ARNT2: variants seen among roughly 807,000 people sequenced by gnomAD.
ARNT2 encodes aryl hydrocarbon receptor nuclear translocator 2, also known as ARNT protein 2.
A neutral mutation model predicts 91.7 loss-of-function variants in ARNT2; 36 were observed. That is an observed-to-expected ratio of 0.39 (90% CI 0.30 to 0.52). ARNT2 has a LOEUF of 0.52. ARNT2 is among the 20% of genes least tolerant of loss of function. The pLI is 0.72. For synonymous variants in ARNT2, 365 were observed against 347.1 expected, an observed-to-expected ratio of 1.05 and a Z score of -0.57; for missense variants, 775 against 939.3, an observed-to-expected ratio of 0.83 and a Z score of 2.29.
At chr15:80,456,105 T>A (rs1016439564) in intron 2 of ARNT2, among the ~76,000 whole-genome samples, 1 of 152,144 alleles carries the variant, frequency 6.6e-6, no homozygotes, top group African/African-American at 2.4e-5. Flanking sequence ...GGCTTAGTAA[T>A]TATGCAGAAT....
intron 16 of ARNT2, 122 bp from the exon 17 acceptor site, chr15:80,581,117 G>C (rs1365998225): frequency 8.3e-7 from 1 of 1,205,734 alleles, no homozygotes; most frequent in East Asian, 2.4e-5. Flanking sequence ...AGACAAGAGG[G>C]TCATGGGGAG....
In ARNT2 at chr15:80,596,904, C is replaced by G. The variant is rs568824565; in HGVS notation, c.*3206C>G. ...TGGCCAAGGATGGCTCTAGAACACT[C>G]TGTCCATGCGTCACTCCCCCCAGTT... On this transcript the variant is annotated 3_prime_UTR_variant, in exon 19 of 19. Transcript: ENST00000303329. 9.7e-5 allele frequency: 34 copies of G among 349,490 alleles called. No homozygotes were observed. Among genetic ancestry groups the G allele is most frequent in the African/African-American group, 7.3e-4 (34 of 46,700 alleles). 21.6% of individuals were successfully genotyped at this position (349,490 alleles called of 1,614,324 possible).
In ARNT2 at chr15:80,596,558, C is replaced by A. The variant is rs1441227475; in HGVS notation, c.*2860C>A. 6.6e-6 allele frequency: 1 copy of A among 152,264 alleles called. No homozygotes were observed. Among genetic ancestry groups the A allele is most frequent in the East Asian group, 1.9e-4 (1 of 5,172 alleles). 9.4% of individuals were successfully genotyped at this position (152,264 alleles called of 1,614,324 possible). On this transcript the variant is annotated 3_prime_UTR_variant, in exon 19 of 19. Coordinates refer to ENST00000303329, the MANE Select transcript of ARNT2 (RefSeq NM_014862.4). ...GCCTCCCATGCCAGTACCGCCCAGC[C>A]TTGGAGGCCGGAATGCTCATGGCCC...
intron 12 of ARNT2, among the ~76,000 whole-genome samples, chr15:80,571,324 G>A (rs1322775873): frequency 1.3e-5 from 2 of 152,202 alleles, no homozygotes; most frequent in Admixed American, 6.5e-5. Flanking sequence ...TCACTTGTGT[G>A]CATTTGCTTC....
intron 12 of ARNT2, among the ~76,000 whole-genome samples, chr15:80,570,645 C>T (rs757225063): frequency 3.0e-4 from 46 of 152,090 alleles, no homozygotes; most frequent in Non-Finnish European, 5.3e-4. Context: ...TGGTTTTATC[C>T]TTTTCCTTTT....
chr15:80,540,063 A>G (rs959843307), intron 8 of ARNT2, among the ~76,000 whole-genome samples: 14 of 152,128 alleles, frequency 9.2e-5, no homozygotes, highest in African/African-American at 3.4e-4. Context: ...AAAGAAATCA[A>G]TATATCAAAG....
At chr15:80,530,113 G>A (rs1017623532) in intron 8 of ARNT2, among the ~76,000 whole-genome samples, 10 of 152,096 alleles carry the variant, frequency 6.6e-5, no homozygotes, top group East Asian at 1.9e-4. Flanking sequence ...GCTCAACTTC[G>A]AGAGGTCACT....
intron 8 of ARNT2, among the ~76,000 whole-genome samples, chr15:80,528,366 TTATC>T (rs149942992): frequency 0.15 from 22,147 of 148,772 alleles, 1,666 homozygotes; most frequent in Admixed American, 0.18. Context: ...ATTTGACCAT[TTATC>T]TATCTATCTA....
At chr15:80,499,199 G>C (rs1380827090) in intron 5 of ARNT2, among the ~76,000 whole-genome samples, 1 of 152,118 alleles carries the variant, frequency 6.6e-6, no homozygotes, top group African/African-American at 2.4e-5. Context: ...GCAATTCTTG[G>C]CATATCAATG....
intron 5 of ARNT2, among the ~76,000 whole-genome samples, chr15:80,492,172 T>C (rs4299110): frequency 0.52 from 78,422 of 151,880 alleles, 21,225 homozygotes; most frequent in African/African-American, 0.68. Flanking sequence ...TCCTGAGTAA[T>C]TGGGACTACA....
chr15:80,448,185 A>C (rs184882152), intron 1 of ARNT2, among the ~76,000 whole-genome samples: 4 of 152,218 alleles, frequency 2.6e-5, no homozygotes, highest in Non-Finnish European at 5.9e-5. Flanking sequence ...TTTGACCTAG[A>C]GTAGCCCCGT....
At chr15:80,427,225 C>A (rs1481866201) in intron 1 of ARNT2, among the ~76,000 whole-genome samples, 1 of 152,154 alleles carries the variant, frequency 6.6e-6, no homozygotes, top group Non-Finnish European at 1.5e-5. Context: ...GCAGGAGGAC[C>A]TGACCACTGG....
rs1323495828 is a variant in ARNT2, at chr15:80,532,428, T to G, written c.877+18023T>G. 2.6e-5 allele frequency among the ~76,000 whole-genome samples: 4 copies of G among 152,172 alleles called. No individual in the cohort carries two copies. The East Asian group carries it at 5.8e-4, about 22-fold the overall frequency. ...TTGTACCATTGTGAGGCCCTCACAG[T>G]GGTAGCCTATGTCCCTGACCTTCAA... On this transcript the variant is annotated intron_variant, in intron 8 of 18. Coordinates refer to ENST00000303329, the MANE Select transcript of ARNT2 (RefSeq NM_014862.4).
Position 80,503,296 on chromosome 15 carries a change from A to T in ARNT2, c.623-4860A>T, listed in dbSNP as rs546112099. 7.2e-5 allele frequency among the ~76,000 whole-genome samples: 11 copies of T among 152,300 alleles called. No homozygotes were observed. In the East Asian group the frequency reaches 2.1e-3, roughly 29 times the overall value. On this transcript the variant is annotated intron_variant, in intron 5 of 18. Transcript: ENST00000303329. ...ATGGCCACTTGATTTTGTACATCTC[A>T]ACTGCTATTACATTTGTCAAAAATC...
At chr15:80,433,192 G>T (rs1896034057) in intron 1 of ARNT2, among the ~76,000 whole-genome samples, 2 of 77,988 alleles carry the variant, frequency 2.6e-5, no homozygotes, top group Admixed American at 2.7e-4. Flanking sequence ...CAGCGGGTAT[G>T]CCCACATTTT....
chr15:80,585,931 A>G (rs749567723), intron 17 of ARNT2, among the ~76,000 whole-genome samples: 5 of 152,212 alleles, frequency 3.3e-5, no homozygotes, highest in Non-Finnish European at 5.9e-5. Context: ...CTAACGCTGC[A>G]CTCGCTGACA....
intron 5 of ARNT2, among the ~76,000 whole-genome samples, chr15:80,500,348 G>A (rs535942779): frequency 3.9e-5 from 6 of 152,268 alleles, no homozygotes; most frequent in African/African-American, 1.2e-4. Context: ...TGGGGCCATC[G>A]TTTTGCTTTG....
chr15:80,425,767 G>T (rs1304579907), intron 1 of ARNT2, among the ~76,000 whole-genome samples: 1 of 152,020 alleles, frequency 6.6e-6, no homozygotes, highest in African/African-American at 2.4e-5. Flanking sequence ...TAGGAAGGGG[G>T]CCAGGCATAG....
At chr15:80,467,449 TG>T (rs1476616985) in intron 3 of ARNT2, among the ~76,000 whole-genome samples, 1 of 152,068 alleles carries the variant, frequency 6.6e-6, no homozygotes, top group Non-Finnish European at 1.5e-5. Flanking sequence ...AAGAGGGCTG[TG>T]GGTGGTGCCT....
Sources: gnomAD v4.1 joint callset for allele counts (sites outside exome capture counted in the v4.1 genomes callset) on GRCh38, gnomAD v4.1.1 for gene constraint, MANE v1.5 for transcripts, NCBI Gene and HGNC (gene_info 2026-07-23, HGNC 2026-07-21) for gene names.